The following TEC variants were observed in gnomAD, a reference collection of about 807,000 sequenced individuals.
The protein encoded by TEC is tec protein tyrosine kinase, also known as tyrosine-protein kinase Tec.
Under a neutral mutation model 93.0 loss-of-function variants are expected in TEC, and 72 were observed. The observed-to-expected ratio is 0.77, with a 90% CI of 0.64 to 0.94. The LOEUF (loss-of-function observed/expected upper bound fraction) is 0.94, where lower values mean the gene tolerates loss of function less well. Among genes scored for constraint, TEC ranks in the 40% least tolerant of loss-of-function variants. The pLI is 0.00. For synonymous variants in TEC, 249 were observed against 247.7 expected (o/e 1.01, Z -0.05); for missense variants, 630 against 757.9 (o/e 0.83, Z 1.98).
At chr4:48,222,183 A>G (rs1433301433) in intron 2 of TEC, among the ~76,000 whole-genome samples, 1 of 152,160 alleles carries the variant, frequency 6.6e-6, no homozygotes, top group African/African-American at 2.4e-5. Context: ...CAGGCAGAGG[A>G]GTGTGTCACT....
At chr4:48,196,519 T>C (rs1240665242) in intron 2 of TEC, among the ~76,000 whole-genome samples, 1 of 152,206 alleles carries the variant, frequency 6.6e-6, no homozygotes, top group Non-Finnish European at 1.5e-5. Flanking sequence ...GTTTAAGTGC[T>C]TGATCAATTT....
chr4:48,166,761 C>T (rs999069105), intron 7 of TEC, among the ~76,000 whole-genome samples: 1 of 151,668 alleles, frequency 6.6e-6, no homozygotes, highest in African/African-American at 2.4e-5. Flanking sequence ...GCAGTGACAA[C>T]CTTCCTGTAA....
At chr4:48,182,615 T>A (rs1721638933) in intron 2 of TEC, among the ~76,000 whole-genome samples, 1 of 151,456 alleles carries the variant, frequency 6.6e-6, no homozygotes, top group Non-Finnish European at 1.5e-5. Context: ...AAGTAAGCAA[T>A]GACCATTTTA....
Position 48,220,500 on chromosome 4 carries a change from T to C in TEC, c.138+7977A>G, listed in dbSNP as rs192524487. 1.5e-3 allele frequency among the ~76,000 whole-genome samples: 230 copies of C among 152,118 alleles called. 1 individual carries two copies. The highest frequency in any genetic ancestry group is 5.4e-3 in the African/African-American group (224 of 41,498). The stretch of plus-strand genomic sequence containing the variant: ...TTGTTTTAAAAGAGTATGGCATCTC[T>C]CTTGCTTGCTCTCATCATGGAATAC... On this transcript the variant is annotated intron_variant, in intron 2 of 17. Transcript: ENST00000381501.
At chr4:48,265,988 T>A (rs1355581324) in intron 1 of TEC, among the ~76,000 whole-genome samples, 1 of 152,146 alleles carries the variant, frequency 6.6e-6, no homozygotes. Context: ...CAGCAAATTG[T>A]AACCTGTACA....
chr4:48,202,007 A>T (rs1722537169), intron 2 of TEC, among the ~76,000 whole-genome samples: 1 of 126,192 alleles, frequency 7.9e-6, no homozygotes, highest in African/African-American at 3.2e-5. Context: ...CCCAGGCTGG[A>T]GTGCAGTGGC....
At chr4:48,156,813 TCTG>T in intron 8 of TEC, 79 bp from the exon 9 acceptor site, 1 of 1,125,324 alleles carries the variant, frequency 8.9e-7, no homozygotes, top group East Asian at 2.6e-5. Flanking sequence ...ATAAAGTAAT[TCTG>T]CTCATCAATA....
intron 2 of TEC, among the ~76,000 whole-genome samples, chr4:48,215,647 C>T (rs1352692160): frequency 6.6e-6 from 1 of 152,202 alleles, no homozygotes; most frequent in Non-Finnish European, 1.5e-5. Flanking sequence ...GTCCCAAATA[C>T]ATTTTCAGCT....
intron 1 of TEC, among the ~76,000 whole-genome samples, chr4:48,234,324 G>C (rs1004882671): frequency 6.6e-6 from 1 of 152,042 alleles, no homozygotes; most frequent in Admixed American, 6.6e-5. Flanking sequence ...AACAAAGCAG[G>C]AAACCAAAAA....
chr4:48,159,453 C>T (rs1720534108), intron 8 of TEC, among the ~76,000 whole-genome samples: 1 of 152,264 alleles, frequency 6.6e-6, no homozygotes, highest in Admixed American at 6.5e-5. Flanking sequence ...AGTGCAGTGG[C>T]ACGATCTCGG....
intron 2 of TEC, among the ~76,000 whole-genome samples, chr4:48,177,870 TC>T (rs1174818266): frequency 6.6e-6 from 1 of 152,200 alleles, no homozygotes; most frequent in East Asian, 1.9e-4. Flanking sequence ...TCATTTCTGC[TC>T]GCTCTCTCTC....
At chr4:48,196,862 A>C (rs1038493127) in intron 2 of TEC, among the ~76,000 whole-genome samples, 1 of 152,206 alleles carries the variant, frequency 6.6e-6, no homozygotes, top group Non-Finnish European at 1.5e-5. Flanking sequence ...TTGATGCTTC[A>C]TGTGACTCCA....
chr4:48,140,039 C>T (rs572105552), intron 15 of TEC, among the ~76,000 whole-genome samples: 29 of 152,270 alleles, frequency 1.9e-4, no homozygotes, highest in Middle Eastern at 3.4e-3. Context: ...CAGATGAAAG[C>T]GGCAGACAGC....
chr4:48,244,368 A>G (rs990328927), intron 1 of TEC, among the ~76,000 whole-genome samples: 3 of 152,218 alleles, frequency 2.0e-5, no homozygotes, highest in Non-Finnish European at 4.4e-5. Flanking sequence ...GGCAAGGAGG[A>G]GCAAGTCACA....
rs1344948069 is a variant in TEC, at chr4:48,156,883, A to G, written c.738-149T>C. The G allele has an allele frequency of 6.5e-6, 4 of 617,552 alleles. No individual in the cohort carries two copies. The East Asian group carries it at 1.3e-4, about 20-fold the overall frequency. 38.3% of individuals were successfully genotyped at this position (617,552 alleles called of 1,614,324 possible). ...TCATAATTTCAATAATAGACAACTA[A>G]TAATTTTGATGTATATACTTCCAGA... On this transcript the variant is annotated intron_variant, in intron 8 of 17. Coordinates refer to ENST00000381501, the MANE Select transcript of TEC (RefSeq NM_003215.3).
chr4:48,180,521 G>C (rs57180932), intron 2 of TEC, among the ~76,000 whole-genome samples: 10,195 of 152,236 alleles, frequency 0.067, 434 homozygotes, highest in African/African-American at 0.11. Context: ...GGGGCCACAA[G>C]AAGATGGGGA....
chr4:48,235,508 T>C (rs1449788705), intron 1 of TEC, among the ~76,000 whole-genome samples: 2 of 152,212 alleles, frequency 1.3e-5, no homozygotes, highest in Non-Finnish European at 2.9e-5. Flanking sequence ...GAATCCCATC[T>C]TCAAAGAAAT....
At chr4:48,189,252 T>C (rs1477084054) in intron 2 of TEC, among the ~76,000 whole-genome samples, 1 of 152,204 alleles carries the variant, frequency 6.6e-6, no homozygotes, top group Non-Finnish European at 1.5e-5. Context: ...TGACATTTGT[T>C]ATTTTGTACC....
At chr4:48,201,168 G>C (rs1232116326) in intron 2 of TEC, among the ~76,000 whole-genome samples, 1 of 152,148 alleles carries the variant, frequency 6.6e-6, no homozygotes, top group Admixed American at 6.5e-5. Context: ...AGACAAGAGA[G>C]GGTGAAGAGA....
Sources: allele counts gnomAD v4.1 joint callset (sites outside exome capture counted in the v4.1 genomes callset), GRCh38; gene constraint gnomAD v4.1.1; transcripts MANE v1.5; gene names NCBI Gene and HGNC (gene_info 2026-07-23, HGNC 2026-07-21).